Variants in CACHD1 observed in about 807,000 individuals in gnomAD.
CACHD1 encodes the protein VWFA and cache domain-containing protein 1.
CACHD1 carries 71 observed loss-of-function variants against 138.7 expected under a neutral mutation model. The observed-to-expected ratio is 0.51, with a 90% CI of 0.42 to 0.62. The LOEUF is 0.62. Ranked by LOEUF, CACHD1 falls within the 20% of genes least tolerant of loss-of-function variation. CACHD1 has a pLI of 0.00. For missense variants in CACHD1, 1,389 were observed against 1,625.3 expected (o/e 0.85, Z 2.50); for synonymous variants, 578 against 591.5 (o/e 0.98, Z 0.33).
At chr1:64,486,666 A>C (rs986117559) in intron 1 of CACHD1, among the ~76,000 whole-genome samples, 79 of 152,168 alleles carry the variant, frequency 5.2e-4, no homozygotes, top group African/African-American at 1.9e-3. Context: ...TTTTTGGGTC[A>C]ATGTGGCCTG....
At chr1:64,502,864 C>T (rs182658408) in intron 1 of CACHD1, among the ~76,000 whole-genome samples, 48 of 152,212 alleles carry the variant, frequency 3.2e-4, no homozygotes, top group Admixed American at 2.7e-3. Context: ...GGAAACTGAA[C>T]GGAAAAAGGC....
At chr1:64,681,440 T>TTGA in intron 25 of CACHD1, 105 bp downstream of exon 25, 1 of 862,204 alleles carries the variant, frequency 1.2e-6, no homozygotes, top group Non-Finnish European at 1.8e-6. Flanking sequence ...TTAAGAAGCT[T>TTGA]TGACACGGTG....
At chr1:64,593,183 C>T (rs904328075) in intron 3 of CACHD1, among the ~76,000 whole-genome samples, 3 of 152,070 alleles carry the variant, frequency 2.0e-5, no homozygotes, top group Non-Finnish European at 4.4e-5. Context: ...TATTATCATC[C>T]CACTAATATT....
At position 64,621,299 on chromosome 1, in the gene CACHD1, A is replaced by G. The variant is rs370366564; in HGVS notation, c.518-8056A>G. Among the ~76,000 whole-genome samples the G allele has an allele frequency of 1.6e-4, 24 of 152,188 alleles. No homozygotes were observed. The East Asian group carries it at 4.4e-3, about 28-fold the overall frequency. Reference sequence around the variant, plus strand: ...CCCTGGTACCACTGGGACATTCCATATATATGGTCTTGGGCCATTGATAGT... The same window carrying G: ...CCCTGGTACCACTGGGACATTCCATGTATATGGTCTTGGGCCATTGATAGT... On this transcript the variant is annotated intron_variant, in intron 4 of 26. Coordinates refer to ENST00000651257, the MANE Select transcript of CACHD1 (RefSeq NM_020925.4).
At chr1:64,610,063 C>T (rs1161251385) in intron 4 of CACHD1, among the ~76,000 whole-genome samples, 1 of 152,086 alleles carries the variant, frequency 6.6e-6, no homozygotes, top group East Asian at 1.9e-4. Context: ...GGAGGAAAAG[C>T]CCCTTATAAA....
rs112558165 is a variant in CACHD1, at chr1:64,691,060, A to AT, written c.3587-253dup. 8.8e-3 allele frequency among the ~76,000 whole-genome samples: 1,293 copies of AT among 146,210 alleles called. 27 individuals are homozygous for AT. The highest frequency in any genetic ancestry group is 0.03 in the African/African-American group (1,205 of 39,780). ...GGATTTGGGATAAGGGTTCTTGTTT[A>AT]TTTTTTTTTTCTCCTCTGTACTTTC... is the stretch of plus-strand genomic sequence containing the variant. On this transcript the variant is annotated intron_variant, in intron 26 of 26. Transcript: ENST00000651257.
chr1:64,471,039 G>A, intron 1 of CACHD1, 97 bp downstream of exon 1: 1 of 1,244,548 alleles, frequency 8.0e-7, no homozygotes, highest in Non-Finnish European at 1.1e-6. Flanking sequence ...GTGTGCATCG[G>A]CTCCTTGCAT....
intron 1 of CACHD1, among the ~76,000 whole-genome samples, chr1:64,476,138 A>G (rs1646173690): frequency 6.6e-6 from 1 of 151,934 alleles, no homozygotes; most frequent in Non-Finnish European, 1.5e-5. Context: ...CAGCAGCTTC[A>G]CACATGAAGG....
intron 9 of CACHD1, among the ~76,000 whole-genome samples, chr1:64,650,578 T>G (rs1649056888): frequency 6.6e-6 from 1 of 152,236 alleles, no homozygotes; most frequent in Non-Finnish European, 1.5e-5. Flanking sequence ...TTTCAGATGC[T>G]TTTTCAGTGA....
chr1:64,522,308 A>ATTTTTT (rs11412205), intron 1 of CACHD1, among the ~76,000 whole-genome samples: 4 of 148,844 alleles, frequency 2.7e-5, no homozygotes, highest in Non-Finnish European at 3.0e-5. Flanking sequence ...CAACCCCCAC[A>ATTTTTT]TTTTTTTTTT....
At chr1:64,615,476 A>AT (rs1027027822) in intron 4 of CACHD1, among the ~76,000 whole-genome samples, 9 of 151,990 alleles carry the variant, frequency 5.9e-5, no homozygotes, top group African/African-American at 2.2e-4. Context: ...CAGATTTTTG[A>AT]TTTTTTAAGT....
chr1:64,585,559 C>G (rs970088759), intron 3 of CACHD1, among the ~76,000 whole-genome samples: 1 of 152,200 alleles, frequency 6.6e-6, no homozygotes, highest in Non-Finnish European at 1.5e-5. Flanking sequence ...AGTATTCTCT[C>G]CTGACCAGGA....
chr1:64,600,296 C>T (rs1477105948), intron 3 of CACHD1, among the ~76,000 whole-genome samples: 1 of 152,202 alleles, frequency 6.6e-6, no homozygotes, highest in Non-Finnish European at 1.5e-5. Flanking sequence ...ATCTGCATAG[C>T]AGGATTGGAG....
intron 1 of CACHD1, among the ~76,000 whole-genome samples, chr1:64,535,778 A>G (rs1646628004): frequency 6.6e-6 from 1 of 152,154 alleles, no homozygotes. Flanking sequence ...GGCCACCTCC[A>G]TGAGTCTTAC....
chr1:64,663,964 G>A, intron 14 of CACHD1, 127 bp downstream of exon 14: 1 of 1,261,684 alleles, frequency 7.9e-7, no homozygotes, highest in Non-Finnish European at 1.1e-6. Context: ...GAGAGCTGCA[G>A]AGTGTGTGGC....
intron 4 of CACHD1, among the ~76,000 whole-genome samples, chr1:64,621,646 A>T (rs971815102): frequency 6.6e-6 from 1 of 152,208 alleles, no homozygotes; most frequent in Admixed American, 6.5e-5. Context: ...AACCTGAAGG[A>T]TTAAAAAAGA....
At chr1:64,674,196 G>C (rs983057618) in intron 19 of CACHD1, among the ~76,000 whole-genome samples, 1 of 152,130 alleles carries the variant, frequency 6.6e-6, no homozygotes, top group Non-Finnish European at 1.5e-5. Context: ...CTCTATTGCA[G>C]AAAGCAATTA....
rs562609904 is a variant in CACHD1 at position 64,582,237 on chromosome 1, A to G, written c.343A>G (p.Thr115Ala). 4 of 1,613,982 alleles carry G rather than the reference A, an allele frequency of 2.5e-6. No homozygotes were observed. The East Asian group carries it at 8.9e-5, about 36-fold the overall frequency. The change falls in exon 3 of 27, where the codon ACG becomes GCG. Residue 115 changes from threonine (T) to alanine (A), a missense_variant. Physicochemically the swap from Thr to Ala is moderately conservative, Grantham distance 58 (BLOSUM62 0). Around this residue, in one of 5 missense-constraint regions of CACHD1, gnomAD observed 1,000 missense variants for 1,114.7 expected, o/e 0.90. Transcript: ENST00000651257. ...RNKQVVEASYTAHLTSPLTAI... is the reference protein window; with the variant it reads ...RNKQVVEASYAAHLTSPLTAI... ...CAAGCAAGTTGTAGAAGCATCCTAT[A>G]CGGCTCACCTAACCTCTCCCCTAAC...
chr1:64,668,372 G>T (rs1440174949), intron 16 of CACHD1, among the ~76,000 whole-genome samples: 1 of 150,130 alleles, frequency 6.7e-6, no homozygotes, highest in Non-Finnish European at 1.5e-5. Flanking sequence ...CCCAGGTTCA[G>T]CCAAATGCAG....
Sources: allele counts gnomAD v4.1 joint callset (sites outside exome capture counted in the v4.1 genomes callset), GRCh38; gene constraint gnomAD v4.1.1; regional missense constraint gnomAD v4.1.1; transcripts MANE v1.5; gene names NCBI Gene and HGNC (gene_info 2026-07-23, HGNC 2026-07-21).